FBXO10: variants seen among roughly 807,000 people sequenced by gnomAD.
FBXO10 encodes the protein F-box protein 10, also known as F-box only protein 10.
In FBXO10, 39 loss-of-function variants were observed where a neutral mutation model predicts 80.7. The observed-to-expected ratio is 0.48, with a 90% CI of 0.37 to 0.63. The LOEUF (loss-of-function observed/expected upper bound fraction) is 0.63, where lower values mean the gene tolerates loss of function less well. FBXO10 is among the 30% of genes least tolerant of loss of function. The probability of loss-of-function intolerance (pLI) is 0.00; values close to 1 mark genes in which losing one functional copy is unlikely to be tolerated. For synonymous variants in FBXO10, 449 were observed against 489.6 expected (o/e 0.92, Z 1.09); for missense variants, 1,025 against 1,269.0 (o/e 0.81, Z 2.92).
chr9:37,553,073 C>T (rs996700885), intron 1 of FBXO10, among the ~76,000 whole-genome samples: 5 of 151,720 alleles, frequency 3.3e-5, no homozygotes, highest in Admixed American at 1.3e-4. Context: ...GATGGAGTCT[C>T]GCTCTGTCAC....
chr9:37,558,956 G>A (rs763145782), intron 1 of FBXO10, among the ~76,000 whole-genome samples: 6 of 151,858 alleles, frequency 4.0e-5, no homozygotes, highest in Non-Finnish European at 8.8e-5. Flanking sequence ...GATTACAGAC[G>A]CGCACCACCA....
At chr9:37,531,820 A>G in intron 4 of FBXO10, 89 bp downstream of exon 4, 1 of 1,492,328 alleles carries the variant, frequency 6.7e-7, no homozygotes, top group Non-Finnish European at 9.2e-7. Context: ...AAGCACGTAA[A>G]TACAAGAGGG....
chr9:37,553,776 G>A (rs985369510), intron 1 of FBXO10, among the ~76,000 whole-genome samples: 9 of 151,066 alleles, frequency 6.0e-5, no homozygotes, highest in African/African-American at 1.9e-4. Flanking sequence ...TTAGCCAGGC[G>A]TGGTGGCACA....
chr9:37,563,289 T>A (rs569524263), intron 1 of FBXO10, among the ~76,000 whole-genome samples: 1 of 152,334 alleles, frequency 6.6e-6, no homozygotes, highest in South Asian at 2.1e-4. Flanking sequence ...TGTGGGTATT[T>A]CTTAACAGCA....
rs370987051 is a variant in FBXO10 at position 37,541,422 on chromosome 9, C to T, written c.347G>A (p.Arg116His). ...GGCACTGCCCAGGCTGTCAAACTCACGGCCTGGCCCAACACTCAGGGTACG... is the reference window on the plus strand; with the variant it reads ...GGCACTGCCCAGGCTGTCAAACTCATGGCCTGGCCCAACACTCAGGGTACG... ...ERRTLSVGPG[R>H]EFDSLGSALA... The change falls in exon 2 of 11, where the codon CGT (arginine) becomes CAT (histidine). Residue 116 changes from arginine to histidine, a missense_variant. Physicochemically the swap from Arg to His is conservative, Grantham distance 29 (BLOSUM62 0). Transcript: ENST00000432825. The T allele has an allele frequency of 5.1e-5, 82 of 1,613,858 alleles. No homozygotes were observed. Among genetic ancestry groups the T allele is most frequent in the Non-Finnish European group, 6.4e-5 (75 of 1,179,866 alleles).
chr9:37,555,707 T>A (rs1340868864), intron 1 of FBXO10, among the ~76,000 whole-genome samples: 4 of 145,926 alleles, frequency 2.7e-5, no homozygotes, highest in Non-Finnish European at 1.5e-5. Context: ...ATTGTTTTTT[T>A]TAATATATAT....
At chr9:37,544,769 CG>C (rs1822009918) in intron 1 of FBXO10, among the ~76,000 whole-genome samples, 1 of 151,802 alleles carries the variant, frequency 6.6e-6, no homozygotes, top group Non-Finnish European at 1.5e-5. Context: ...CCGAGGTGGG[CG>C]GATCACGAGG....
In FBXO10 at chr9:37,512,017, C is replaced by T. The variant is rs41278305; in HGVS notation, c.*530G>A. The T allele has an allele frequency of 4.0e-3, 604 of 152,834 alleles. 6 individuals carry two copies. The highest frequency in any genetic ancestry group is 0.013 in the South Asian group (64 of 4,830). The allele number at this position is 152,834 out of a possible 1,614,324, so 9.5% of individuals were successfully genotyped here. A position where few individuals can be genotyped will look rare whatever the true frequency, so the allele number is the denominator to read the frequency against. ...TCCTTCCTTCCTCCCAGGTCCATGT[C>T]CAAGTCCTCAAGTCAACCAAACTCA... On this transcript the variant is annotated 3_prime_UTR_variant, in exon 11 of 11. Coordinates refer to ENST00000432825, the MANE Select transcript of FBXO10 (RefSeq NM_012166.3).
intron 1 of FBXO10, among the ~76,000 whole-genome samples, chr9:37,566,020 C>G (rs1822595798): frequency 1.3e-5 from 2 of 152,132 alleles, no homozygotes; most frequent in African/African-American, 4.8e-5. Flanking sequence ...CATGGAACAC[C>G]CTTAGCCAAA....
chr9:37,515,098 G>A (rs1821150944), intron 10 of FBXO10: 1 of 152,186 alleles, frequency 6.6e-6, no homozygotes, highest in Non-Finnish European at 1.5e-5. Context: ...GGCTGCTGCA[G>A]GGGGACAGGT....
At chr9:37,540,281 G>A (rs1037179212) in intron 2 of FBXO10, among the ~76,000 whole-genome samples, 5 of 151,758 alleles carry the variant, frequency 3.3e-5, no homozygotes, top group South Asian at 2.1e-4. Flanking sequence ...TCCGCCTCCC[G>A]GGTTCAAGCG....
intron 6 of FBXO10, among the ~76,000 whole-genome samples, chr9:37,523,778 G>A (rs922555175): frequency 3.9e-5 from 6 of 152,090 alleles, no homozygotes; most frequent in African/African-American, 9.7e-5. Flanking sequence ...AAAATTGGGC[G>A]TGGTGGCACA....
intron 1 of FBXO10, among the ~76,000 whole-genome samples, chr9:37,559,808 C>A (rs1032524612): frequency 6.6e-6 from 1 of 152,042 alleles, no homozygotes; most frequent in Non-Finnish European, 1.5e-5. Context: ...AACCTGGATC[C>A]TTAAATGATT....
At chr9:37,557,862 C>A (rs1822376924) in intron 1 of FBXO10, among the ~76,000 whole-genome samples, 1 of 152,194 alleles carries the variant, frequency 6.6e-6, no homozygotes, top group Non-Finnish European at 1.5e-5. Context: ...AGAAGGACAT[C>A]ATTATCCCCA....
At chr9:37,553,224 T>G (rs550952272) in intron 1 of FBXO10, among the ~76,000 whole-genome samples, 1 of 152,032 alleles carries the variant, frequency 6.6e-6, no homozygotes, top group South Asian at 2.1e-4. Flanking sequence ...GTATTTTTAG[T>G]AGAGACAGGG....
At chr9:37,514,223 T>C (rs1821129250) in intron 10 of FBXO10, among the ~76,000 whole-genome samples, 1 of 152,164 alleles carries the variant, frequency 6.6e-6, no homozygotes, top group Non-Finnish European at 1.5e-5. Context: ...ACTGTATGTA[T>C]TTGAGTTTGG....
chr9:37,572,389 G>C (rs1285579360), intron 1 of FBXO10, among the ~76,000 whole-genome samples: 2 of 152,032 alleles, frequency 1.3e-5, no homozygotes, highest in African/African-American at 4.8e-5. Context: ...AATATCTAAG[G>C]ATGTACTTGG....
At chr9:37,575,329 A>C (rs757415701) in intron 1 of FBXO10, among the ~76,000 whole-genome samples, 1 of 152,240 alleles carries the variant, frequency 6.6e-6, no homozygotes, top group African/African-American at 2.4e-5. Context: ...TTACAAACCA[A>C]AACGGCAGTT....
rs1161650130 is a variant in FBXO10, at chr9:37,544,973, G to A, written c.-6-3199C>T. ...CGCGCCACTGCACTCCAGCCTGGGC[G>A]ACAGAGCGAGACTCTCTCAAAAAAA... is the stretch of plus-strand genomic sequence containing the variant. On this transcript the variant is annotated intron_variant, in intron 1 of 10. Coordinates refer to ENST00000432825, the MANE Select transcript of FBXO10 (RefSeq NM_012166.3). Among the ~76,000 whole-genome samples the A allele has an allele frequency of 3.9e-4, 50 of 126,820 alleles. No homozygotes were observed. In the South Asian group the frequency reaches 8.0e-3, roughly 20 times the overall value. 83.2% of individuals were successfully genotyped at this position (126,820 alleles called of 152,430 possible).
Sources: gnomAD v4.1 joint callset for allele counts (sites outside exome capture counted in the v4.1 genomes callset) on GRCh38, gnomAD v4.1.1 for gene constraint, MANE v1.5 for transcripts, NCBI Gene and HGNC (gene_info 2026-07-23, HGNC 2026-07-21) for gene names.